The following RPS3 variants were observed in gnomAD, a reference collection of about 807,000 sequenced individuals.
The protein encoded by RPS3 is ribosomal protein S3.
RPS3 carries 2 observed loss-of-function variants against 25.8 expected under a neutral mutation model. That is an observed-to-expected ratio of 0.08 (90% confidence interval 0.03 to 0.24). The LOEUF (loss-of-function observed/expected upper bound fraction) is 0.24. Among genes scored for constraint, RPS3 ranks in the 10% least tolerant of loss-of-function variants. The pLI is 1.00. For missense variants in RPS3, 107 were observed against 307.1 expected, an observed-to-expected ratio of 0.35 and a Z score of 4.87; for synonymous variants, 114 against 114.2, an observed-to-expected ratio of 1.00 and a Z score of 0.01.
rs1354819110 is a variant in RPS3, at chr11:75,417,009, G to GT, written c.*4-4717dup. Among the ~76,000 whole-genome samples, 6 of 152,224 alleles carry GT rather than the reference G, an allele frequency of 3.9e-5. No homozygotes were observed. In the East Asian group the frequency reaches 9.6e-4, roughly 24 times the overall value. On this transcript the variant is annotated intron_variant, in intron 6 of 6. Transcript: ENST00000527446. ...TATTAGCCAAAGCTACATTTATAGC[G>GT]TAAGCATGACCATGGTGAGAAGATA...
In RPS3 at chr11:75,405,390, C is replaced by T. The variant is rs527640303; in HGVS notation, c.*4-224C>T. 59 of 307,032 alleles carry T rather than the reference C, an allele frequency of 1.9e-4. No individual in the cohort carries two copies. The Admixed American group carries it at 2.6e-3, about 14-fold the overall frequency. The allele number at this position is 307,032 out of a possible 1,614,324, so 19.0% of individuals were successfully genotyped here. ...GTCCTTTAGCAGCCCCTGTAAAACACTAACAAGCCTCCTGTGGTCAACACT... is the reference window on the plus strand; with the variant it reads ...GTCCTTTAGCAGCCCCTGTAAAACATTAACAAGCCTCCTGTGGTCAACACT... On this transcript the variant is annotated intron_variant, in intron 6 of 6. Coordinates refer to ENST00000531188, the MANE Select transcript of RPS3 (RefSeq NM_001005.5).
In RPS3 at chr11:75,406,417, C is replaced by A. The variant is rs1215675959; in HGVS notation, c.*807C>A. ...TCACAGAGGGGACTTCCAGGGAAAGCTGTTATCAGGTGGCTGCTTCCTGGT... is the reference window on the plus strand; with the variant it reads ...TCACAGAGGGGACTTCCAGGGAAAGATGTTATCAGGTGGCTGCTTCCTGGT... On this transcript the variant is annotated 3_prime_UTR_variant, in exon 7 of 7. Coordinates refer to ENST00000531188, the MANE Select transcript of RPS3 (RefSeq NM_001005.5). 1 of 152,194 alleles carries A rather than the reference C, an allele frequency of 6.6e-6. No individual in the cohort carries two copies. Among genetic ancestry groups the A allele is most frequent in the African/African-American group, 2.4e-5 (1 of 41,440 alleles). The allele number at this position is 152,194 out of a possible 1,614,324, so 9.4% of individuals were successfully genotyped here. A position where few individuals can be genotyped will look rare whatever the true frequency, so the allele number is the denominator to read the frequency against.
At chr11:75,409,178 ATTAT>A (rs376450397), downstream of RPS3, among the ~76,000 whole-genome samples, 4,573 of 148,370 alleles carry the variant, frequency 0.031, 68 homozygotes, top group African/African-American at 0.047. Flanking sequence ...TATTATTATT[ATTAT>A]TTATTTATTT....
At chr11:75,416,834 C>T (rs747466571) in intron 6 of RPS3, among the ~76,000 whole-genome samples, 1 of 152,196 alleles carries the variant, frequency 6.6e-6, no homozygotes, top group African/African-American at 2.4e-5. Flanking sequence ...AGCTGGAAAA[C>T]ATTGAAGTAT....
chr11:75,414,413 C>T (rs1159033017), intron 6 of RPS3, among the ~76,000 whole-genome samples: 4 of 152,210 alleles, frequency 2.6e-5, no homozygotes, highest in Non-Finnish European at 5.9e-5. Flanking sequence ...AGATTGAGAC[C>T]TTCCTGGCTA....
At chr11:75,402,783 T>C (rs573165928) in intron 4 of RPS3, 72 of 177,190 alleles carry the variant, frequency 4.1e-4, no homozygotes, top group African/African-American at 1.5e-3. Flanking sequence ...GGCGGGGCAG[T>C]GGGCAATGAG....
downstream of RPS3, among the ~76,000 whole-genome samples, chr11:75,410,735 GCA>G (rs1222292595): frequency 1.3e-5 from 2 of 152,238 alleles, no homozygotes. Flanking sequence ...TGCAATCCCG[GCA>G]CCTCGGGAGG....
intron 4 of RPS3, 71 bp from the exon 5 acceptor site, chr11:75,403,948 CT>C: frequency 7.0e-7 from 1 of 1,436,444 alleles, no homozygotes; most frequent in Non-Finnish European, 9.5e-7. Context: ...AAAACCAAGT[CT>C]TTGTTTTGTT....
chr11:75,416,338 C>T lies in RPS3; in HGVS notation c.*4-5389C>T, dbSNP rs142266324. On this transcript the variant is annotated intron_variant, in intron 6 of 6. Transcript: ENST00000527446. ...CTGTACGTGCACTGACTACAGGTGC[C>T]ATGCTTTCTGTTTCTGTTCAAAAGG... 6.9e-3 allele frequency among the ~76,000 whole-genome samples: 1,048 copies of T among 152,252 alleles called. 6 individuals are homozygous for T. Among genetic ancestry groups the T allele is most frequent in the African/African-American group, 0.021 (872 of 41,546 alleles).
At position 75,421,103 on chromosome 11, in the gene RPS3, G is replaced by T. The variant is rs551746522; in HGVS notation, c.*4-624G>T. Reference sequence around the variant, plus strand: ...TTCCCCATAGGGTGGGCGCAGGCAGGCTAACTGTCCCCACTCCCCTCCTCC... The same window carrying T: ...TTCCCCATAGGGTGGGCGCAGGCAGTCTAACTGTCCCCACTCCCCTCCTCC... On this transcript the variant is annotated intron_variant, in intron 6 of 6. Transcript: ENST00000527446. Among the ~76,000 whole-genome samples the T allele has an allele frequency of 2.0e-4, 31 of 152,326 alleles. No individual in the cohort carries two copies. The East Asian group carries it at 5.4e-3, about 27-fold the overall frequency.
chr11:75,402,594 A>G (rs1277283077), intron 4 of RPS3, 148 bp downstream of exon 4: 8 of 773,670 alleles, frequency 1.0e-5, no homozygotes, highest in African/African-American at 3.5e-5. Context: ...TCATGCCCTC[A>G]CTGAACTGGC....
At chr11:75,412,965 G>T (rs1057105489) in intron 6 of RPS3, among the ~76,000 whole-genome samples, 2 of 152,046 alleles carry the variant, frequency 1.3e-5, no homozygotes, top group Admixed American at 6.6e-5. Flanking sequence ...TAGAGATGGG[G>T]TTTCACCATT....
intron 1 of RPS3, chr11:75,400,344 G>T (rs900313125): frequency 1.9e-6 from 1 of 519,958 alleles, no homozygotes; most frequent in Admixed American, 1.9e-5. Context: ...AGTGTAAATA[G>T]GCCATTAGAG....
intron 6 of RPS3, among the ~76,000 whole-genome samples, chr11:75,413,151 G>A (rs769999147): frequency 1.3e-5 from 2 of 152,134 alleles, no homozygotes; most frequent in Non-Finnish European, 2.9e-5. Flanking sequence ...CATAAACATG[G>A]TAAAATCAGC....
rs1948173897 is a variant in RPS3, at chr11:75,399,650, G to GAGGC, written c.30+74_30+77dup. 3 of 1,348,618 alleles carry GAGGC rather than the reference G, an allele frequency of 2.2e-6. No homozygotes were observed. The South Asian group carries it at 3.6e-5, about 16-fold the overall frequency. The allele number at this position is 1,348,618 out of a possible 1,614,324, so 83.5% of individuals were successfully genotyped here. A position where few individuals can be genotyped will look rare whatever the true frequency, so the allele number is the denominator to read the frequency against. On this transcript the variant is annotated intron_variant, in intron 1 of 6. Coordinates refer to ENST00000531188, the MANE Select transcript of RPS3 (RefSeq NM_001005.5). Reference sequence around the variant, plus strand: ...CGAGGGCTTCTCGGGGTGCCACCGCGAGGCCTGCAGCTCCGTGGCCTGCCC... The same window carrying GAGGC: ...CGAGGGCTTCTCGGGGTGCCACCGCGAGGCAGGCCTGCAGCTCCGTGGCCTGCCC...
At chr11:75,414,568 G>A (rs1271609329) in intron 6 of RPS3, among the ~76,000 whole-genome samples, 2 of 151,296 alleles carry the variant, frequency 1.3e-5, no homozygotes, top group Non-Finnish European at 2.9e-5. Context: ...CTGAGATCGC[G>A]CCACTGCACT....
downstream of RPS3, among the ~76,000 whole-genome samples, chr11:75,409,250 T>A (rs1177991497): frequency 2.1e-5 from 3 of 145,756 alleles, no homozygotes; most frequent in African/African-American, 7.5e-5. Flanking sequence ...TTTGGCAGGG[T>A]CATAGGACAA....
Position 75,415,648 on chromosome 11 carries a change from A to G in RPS3, c.*4-6079A>G, listed in dbSNP as rs557551113. Among the ~76,000 whole-genome samples the G allele has an allele frequency of 2.0e-5, 3 of 152,302 alleles. No homozygotes were observed. In the East Asian group the frequency reaches 5.8e-4, roughly 29 times the overall value. On this transcript the variant is annotated intron_variant, in intron 6 of 6. Transcript: ENST00000527446. The stretch of plus-strand genomic sequence containing the variant: ...TGGTGAAACCCCATCTCTACTAAAA[A>G]TACAAAAATTAGCTGGGCTTGGTGG...
At chr11:75,418,815 A>G (rs914391219) in intron 6 of RPS3, among the ~76,000 whole-genome samples, 4 of 152,164 alleles carry the variant, frequency 2.6e-5, no homozygotes, top group African/African-American at 7.2e-5. Flanking sequence ...CAGCCTGCCC[A>G]GGTACAGCTG....
Sources: gnomAD v4.1 joint callset for allele counts (sites outside exome capture counted in the v4.1 genomes callset) on GRCh38, gnomAD v4.1.1 for gene constraint, MANE v1.5 for transcripts, NCBI Gene and HGNC (gene_info 2026-07-23, HGNC 2026-07-21) for gene names.